Variants in SLC7A2 observed in about 807,000 individuals in gnomAD.
The protein encoded by SLC7A2 is solute carrier family 7 member 2, also known as cationic amino acid transporter 2.
A neutral mutation model predicts 58.9 loss-of-function variants in SLC7A2; 48 were observed. The ratio of observed to expected loss-of-function variants is 0.82; its 90% confidence interval spans 0.65 to 1.04. SLC7A2 has a LOEUF of 1.04. Ranked by LOEUF, SLC7A2 falls within the 50% of genes least tolerant of loss-of-function variation. The pLI is 0.00. For missense variants in SLC7A2, 1,029 were observed against 818.8 expected (o/e 1.26, Z -3.13); for synonymous variants, 363 against 314.5 (o/e 1.15, Z -1.63).
chr8:17,537,582 T>C (rs528642862), intron 2 of SLC7A2, among the ~76,000 whole-genome samples: 8 of 152,148 alleles, frequency 5.3e-5, no homozygotes, highest in African/African-American at 1.9e-4. Flanking sequence ...GACAGTGCTG[T>C]GGGGAGGGCA....
At chr8:17,543,832 T>C in intron 3 of SLC7A2, 117 bp downstream of exon 3, 1 of 912,034 alleles carries the variant, frequency 1.1e-6, no homozygotes, top group Non-Finnish European at 1.6e-6. Context: ...GTGTGTCTCA[T>C]TTTTGTCATC....
chr8:17,509,787 C>T (rs1353318907), intron 2 of SLC7A2, among the ~76,000 whole-genome samples: 2 of 152,130 alleles, frequency 1.3e-5, no homozygotes, highest in African/African-American at 4.8e-5. Context: ...TGAATGGAAT[C>T]TTCCACGTCT....
chr8:17,521,638 G>A (rs569127925), intron 2 of SLC7A2, among the ~76,000 whole-genome samples: 5 of 152,220 alleles, frequency 3.3e-5, no homozygotes, highest in Non-Finnish European at 5.9e-5. Context: ...GAGACGTGGC[G>A]CTGGGCTGTG....
At chr8:17,496,403 T>C (rs559412083), upstream of SLC7A2, among the ~76,000 whole-genome samples, 11 of 152,222 alleles carry the variant, frequency 7.2e-5, no homozygotes, top group Non-Finnish European at 1.5e-4. Context: ...TGCTTCGTTT[T>C]GGATGAAAAT....
chr8:17,542,452 A>T (rs2150736361), intron 2 of SLC7A2, among the ~76,000 whole-genome samples: 1 of 152,258 alleles, frequency 6.6e-6, no homozygotes, highest in African/African-American at 2.4e-5. Flanking sequence ...TGAATTCAAG[A>T]CCAGCATGGG....
intron 11 of SLC7A2, among the ~76,000 whole-genome samples, chr8:17,562,833 G>T (rs1803083529): frequency 6.6e-6 from 1 of 152,140 alleles, no homozygotes; most frequent in Non-Finnish European, 1.5e-5. Flanking sequence ...TGAGAACTTT[G>T]TTCCTACCAA....
intron 2 of SLC7A2, chr8:17,538,732 G>C: frequency 6.7e-7 from 1 of 1,490,602 alleles, no homozygotes. Context: ...GTATGGTAAA[G>C]ATCCCTACTT....
At chr8:17,528,570 G>A (rs1201185109) in intron 2 of SLC7A2, among the ~76,000 whole-genome samples, 1 of 151,922 alleles carries the variant, frequency 6.6e-6, no homozygotes, top group African/African-American at 2.4e-5. Flanking sequence ...ATAGAAACGG[G>A]GTTTTGCTCT....
At chr8:17,507,345 A>C (rs13257604) in intron 2 of SLC7A2, among the ~76,000 whole-genome samples, 6,176 of 152,134 alleles carry the variant, frequency 0.041, 142 homozygotes, top group Middle Eastern at 0.068. Flanking sequence ...AAAAGCTGGA[A>C]ACTATTTAAA....
chr8:17,518,126 T>A (rs1800873523), intron 2 of SLC7A2, among the ~76,000 whole-genome samples: 1 of 152,158 alleles, frequency 6.6e-6, no homozygotes, highest in African/African-American at 2.4e-5. Flanking sequence ...TGGGGTACAG[T>A]GGCCTTGCTT....
chr8:17,514,724 A>G (rs1395472100), intron 2 of SLC7A2, among the ~76,000 whole-genome samples: 3 of 152,218 alleles, frequency 2.0e-5, no homozygotes, highest in East Asian at 1.9e-4. Context: ...GAAATGTTCA[A>G]TAAAGGCCTC....
At chr8:17,494,546 G>A (rs966125803), upstream of SLC7A2, among the ~76,000 whole-genome samples, 1 of 152,124 alleles carries the variant, frequency 6.6e-6, no homozygotes, top group Non-Finnish European at 1.5e-5. Flanking sequence ...ATTCAACCCC[G>A]GGCAGCAAGA....
intron 2 of SLC7A2, among the ~76,000 whole-genome samples, chr8:17,510,077 G>A (rs147479646): frequency 2.7e-3 from 413 of 152,054 alleles, no homozygotes; most frequent in African/African-American, 8.3e-3. Context: ...AAAATTAGCC[G>A]GGCGTGATAG....
At chr8:17,531,736 C>G (rs1482395811) in intron 2 of SLC7A2, among the ~76,000 whole-genome samples, 1 of 150,592 alleles carries the variant, frequency 6.6e-6, no homozygotes, top group African/African-American at 2.4e-5. Context: ...GTTTTTTTTT[C>G]TACTTATCAG....
intron 1 of SLC7A2, chr8:17,499,233 C>G (rs888272043): frequency 6.6e-6 from 1 of 152,150 alleles, no homozygotes; most frequent in Non-Finnish European, 1.5e-5. Flanking sequence ...CTCTATTTCA[C>G]CTAGCCTCTG....
Position 17,563,586 on chromosome 8 carries a change from A to T in SLC7A2, c.1672-17A>T, listed in dbSNP as rs909294455. ...TCAAAATATGAGTATGTTCAAAAGG[A>T]TTGTTTTCCCCCTCAGGTTCCATTC... On this transcript the variant is annotated splice_polypyrimidine_tract_variant and intron_variant, in intron 11 of 12. Transcript: ENST00000494857. 1 of 1,482,592 alleles carries T rather than the reference A, an allele frequency of 6.7e-7. No individual in the cohort carries two copies. Among genetic ancestry groups the T allele is most frequent in the African/African-American group, 1.4e-5 (1 of 71,858 alleles). The allele number at this position is 1,482,592 out of a possible 1,614,324, so 91.8% of individuals were successfully genotyped here.
At chr8:17,524,653 C>T (rs1244491167) in intron 2 of SLC7A2, among the ~76,000 whole-genome samples, 1 of 152,018 alleles carries the variant, frequency 6.6e-6, no homozygotes, top group Non-Finnish European at 1.5e-5. Context: ...TTTGGGGAAT[C>T]AGGGGAAAGG....
chr8:17,513,408 A>G (rs1800682727), intron 2 of SLC7A2, among the ~76,000 whole-genome samples: 1 of 152,184 alleles, frequency 6.6e-6, no homozygotes, highest in Non-Finnish European at 1.5e-5. Context: ...CTAAACTGAA[A>G]CAAAAACCAG....
chr8:17,524,408 G>A (rs73196118), intron 2 of SLC7A2, among the ~76,000 whole-genome samples: 16,343 of 62,664 alleles, frequency 0.26, 1,286 homozygotes, highest in African/African-American at 0.34. Context: ...ATACATATAT[G>A]TGTGTGTGTG....
Sources: allele counts gnomAD v4.1 joint callset (sites outside exome capture counted in the v4.1 genomes callset), GRCh38; gene constraint gnomAD v4.1.1; transcripts MANE v1.5; gene names NCBI Gene and HGNC (gene_info 2026-07-23, HGNC 2026-07-21).